The following ZNF558 variants were observed in gnomAD, a reference collection of about 807,000 sequenced individuals.
ZNF558 encodes zinc finger protein 558.
A neutral mutation model predicts 37.6 loss-of-function variants in ZNF558; 23 were observed. That is an observed-to-expected ratio of 0.61 (90% confidence interval 0.44 to 0.87). ZNF558 has a LOEUF of 0.87. Ranked by LOEUF, ZNF558 falls within the 40% of genes least tolerant of loss-of-function variation. ZNF558 has a pLI of 0.00. For synonymous variants in ZNF558, 189 were observed against 174.4 expected, an observed-to-expected ratio of 1.08 and a Z score of -0.66; for missense variants, 429 against 483.7, an observed-to-expected ratio of 0.89 and a Z score of 1.06.
At chr19:8,816,223 C>T (rs2043936041) in intron 7 of ZNF558, among the ~76,000 whole-genome samples, 2 of 152,038 alleles carry the variant, frequency 1.3e-5, no homozygotes, top group East Asian at 3.9e-4. Context: ...TGCACCAGCA[C>T]GTCTGACTAA....
Position 8,821,168 on chromosome 19 carries a change from C to T in ZNF558, c.247+12G>A, listed in dbSNP as rs201167929. On this transcript the variant is annotated intron_variant, in intron 7 of 9. Transcript: ENST00000601372. ...AGTCATTAAATAAATGCAGGAATGA[C>T]ATTAGGCTTACCTAGTGAGGCCAGG... The T allele has an allele frequency of 6.6e-5, 106 of 1,613,036 alleles. No homozygotes were observed. Among genetic ancestry groups the T allele is most frequent in the Non-Finnish European group, 8.7e-5 (103 of 1,179,350 alleles).
intron 2 of ZNF558, among the ~76,000 whole-genome samples, chr19:8,828,866 G>C (rs1464386253): frequency 6.6e-6 from 1 of 152,008 alleles, no homozygotes; most frequent in Non-Finnish European, 1.5e-5. Flanking sequence ...GGGAGGCTGA[G>C]GCAGGAAAAT....
In ZNF558 at chr19:8,806,220, T is replaced by C. The variant is rs1722665956; in HGVS notation, c.*5061A>G. ...AAAGTTTAGATATACATAAAAGTTG[T>C]AAAACTATACAGGGTTGTTTTATAC... On this transcript the variant is annotated 3_prime_UTR_variant, in exon 10 of 10. Transcript: ENST00000601372. 4 of 152,206 alleles carry C rather than the reference T, an allele frequency of 2.6e-5. No individual in the cohort carries two copies. The South Asian group carries it at 8.3e-4, about 32-fold the overall frequency. 9.4% of individuals were successfully genotyped at this position (152,206 alleles called of 1,614,324 possible). A position where few individuals can be genotyped will look rare whatever the true frequency, so the allele number is the denominator to read the frequency against.
intron 2 of ZNF558, among the ~76,000 whole-genome samples, chr19:8,827,571 CTTTTTT>C (rs386388513): frequency 1.4e-4 from 13 of 94,082 alleles, no homozygotes; most frequent in African/African-American, 4.1e-4. Context: ...TTTCCCTATT[CTTTTTT>C]TTTTTTTTTT....
chr19:8,807,769 A>G lies in ZNF558; in HGVS notation c.*3512T>C, dbSNP rs910032124. 6.6e-6 allele frequency: 1 copy of G among 152,064 alleles called. No individual in the cohort carries two copies. Among genetic ancestry groups the G allele is most frequent in the Non-Finnish European group, 1.5e-5 (1 of 68,024 alleles). 9.4% of individuals were successfully genotyped at this position (152,064 alleles called of 1,614,324 possible). ...TTTTTTCCTATAACTCTATAATACC[A>G]TATTTTCTTGATTTTTCTATAATCT... On this transcript the variant is annotated 3_prime_UTR_variant, in exon 10 of 10. Transcript: ENST00000601372.
intron 7 of ZNF558, among the ~76,000 whole-genome samples, chr19:8,814,843 G>A (rs1568464531): frequency 6.6e-6 from 1 of 152,142 alleles, no homozygotes; most frequent in Non-Finnish European, 1.5e-5. Context: ...ACATTACAAA[G>A]TTAGTTCTGA....
intron 7 of ZNF558, among the ~76,000 whole-genome samples, chr19:8,817,897 T>C (rs1423498908): frequency 1.3e-5 from 2 of 152,156 alleles, no homozygotes; most frequent in East Asian, 3.8e-4. Context: ...GTTTGAGACT[T>C]CAATACTCCA....
At chr19:8,823,894 G>A (rs751714999) in intron 4 of ZNF558, 188 bp downstream of exon 4, 4 of 152,296 alleles carry the variant, frequency 2.6e-5, no homozygotes, top group Non-Finnish European at 4.4e-5. Context: ...AGAACCCTCA[G>A]CCTGCAGGGC....
chr19:8,817,626 G>A (rs1339219137), intron 7 of ZNF558, among the ~76,000 whole-genome samples: 1 of 151,982 alleles, frequency 6.6e-6, no homozygotes, highest in Non-Finnish European at 1.5e-5. Context: ...CAAAGTTGCG[G>A]AGCATGTGTA....
At chr19:8,835,392 G>T (rs1384289997), upstream of ZNF558, among the ~76,000 whole-genome samples, 1 of 152,126 alleles carries the variant, frequency 6.6e-6, no homozygotes, top group African/African-American at 2.4e-5. Flanking sequence ...TTTCTACAAA[G>T]AAGATACACA....
upstream of ZNF558, among the ~76,000 whole-genome samples, chr19:8,835,167 T>G (rs555090930): frequency 2.8e-3 from 433 of 152,080 alleles, 2 homozygotes; most frequent in African/African-American, 8.6e-3. Context: ...TTCTCCTGCC[T>G]CAGCCTCCCA....
In ZNF558 at chr19:8,822,174, C is replaced by A; in HGVS notation, c.32-83G>T. 6.5e-7 allele frequency: 1 copy of A among 1,545,008 alleles called. No homozygotes were observed. Among genetic ancestry groups the A allele is most frequent in the Non-Finnish European group, 8.9e-7 (1 of 1,127,014 alleles). ...CCCCTGATTGACCACACCCACCTCC[C>A]ACACCCACACGGATGAGGCACCACA... On this transcript the variant is annotated intron_variant, in intron 5 of 9. Coordinates refer to ENST00000601372, the MANE Select transcript of ZNF558 (RefSeq NM_144693.3). This position sits in a 1 kb window ranked among gnomAD's most constrained non-coding sequence, Gnocchi z 4.4.
intron 7 of ZNF558, among the ~76,000 whole-genome samples, chr19:8,820,251 C>A (rs935168961): frequency 3.3e-5 from 5 of 152,108 alleles, no homozygotes; most frequent in Non-Finnish European, 7.4e-5. Context: ...ACAGACCTAG[C>A]CTTCCACTCC....
intron 7 of ZNF558, among the ~76,000 whole-genome samples, chr19:8,815,797 AAGAGAGAG>A (rs145744383): frequency 2.7e-5 from 4 of 148,046 alleles, no homozygotes; most frequent in Admixed American, 6.8e-5. Flanking sequence ...CTCAAAGATA[AAGAGAGAG>A]AGAGAGAGAG....
In ZNF558 at chr19:8,809,805, C is replaced by A. The variant is rs2043740590; in HGVS notation, c.*1476G>T. The A allele has an allele frequency of 1.3e-5, 2 of 152,112 alleles. No homozygotes were observed. The highest frequency in any genetic ancestry group is 2.9e-5 in the Non-Finnish European group (2 of 68,008). The allele number at this position is 152,112 out of a possible 1,614,324, so 9.4% of individuals were successfully genotyped here. A position where few individuals can be genotyped will look rare whatever the true frequency, so the allele number is the denominator to read the frequency against. On this transcript the variant is annotated 3_prime_UTR_variant, in exon 10 of 10. Coordinates refer to ENST00000601372, the MANE Select transcript of ZNF558 (RefSeq NM_144693.3). Reference sequence around the variant, plus strand: ...CTAAAAAAATTAATGAGCCAGCAGTCCAATCTACAGATGAGACACTGATAA... The same window carrying A: ...CTAAAAAAATTAATGAGCCAGCAGTACAATCTACAGATGAGACACTGATAA...
rs1179408498 is a variant in ZNF558, at chr19:8,808,832, T to C, written c.*2449A>G. Reference sequence around the variant, plus strand: ...GTCTCGCTCTGTTGCCAGGCTGGAGTGCACTGGCGCCATCTTGGCTCACTG... The same window carrying C: ...GTCTCGCTCTGTTGCCAGGCTGGAGCGCACTGGCGCCATCTTGGCTCACTG... On this transcript the variant is annotated 3_prime_UTR_variant, in exon 10 of 10. Coordinates refer to ENST00000601372, the MANE Select transcript of ZNF558 (RefSeq NM_144693.3). 2.0e-5 allele frequency: 3 copies of C among 152,054 alleles called. No homozygotes were observed. Among genetic ancestry groups the C allele is most frequent in the Non-Finnish European group, 4.4e-5 (3 of 68,014 alleles). The allele number at this position is 152,054 out of a possible 1,614,324, so 9.4% of individuals were successfully genotyped here.
At chr19:8,830,150 C>T (rs1366602733) in intron 2 of ZNF558, among the ~76,000 whole-genome samples, 1 of 152,106 alleles carries the variant, frequency 6.6e-6, no homozygotes, top group Non-Finnish European at 1.5e-5. Flanking sequence ...TTTATGTCTT[C>T]TCTCTCTCTC....
intron 6 of ZNF558, 63 bp from the exon 7 acceptor site, chr19:8,821,369 G>GGGGCCAGGAGAACA: frequency 6.2e-7 from 1 of 1,613,982 alleles, no homozygotes; most frequent in Non-Finnish European, 8.5e-7. Flanking sequence ...CACAGGAAGA[G>GGGGCCAGGAGAACA]GGGCCAGGAG....
upstream of ZNF558, among the ~76,000 whole-genome samples, chr19:8,835,655 C>T (rs1348186397): frequency 6.6e-6 from 1 of 151,316 alleles, no homozygotes; most frequent in Non-Finnish European, 1.5e-5. Context: ...GCCACGTGAC[C>T]CAGCAATTTT....
Sources: allele counts gnomAD v4.1 joint callset (sites outside exome capture counted in the v4.1 genomes callset), GRCh38; gene constraint gnomAD v4.1.1; non-coding constraint Gnocchi (gnomAD v3.1); transcripts MANE v1.5; gene names NCBI Gene and HGNC (gene_info 2026-07-23, HGNC 2026-07-21).